PDE8A: variants seen among roughly 807,000 people sequenced by gnomAD.
PDE8A encodes phosphodiesterase 8A, also known as high affinity cAMP-specific and IBMX-insensitive 3',5'-cyclic phosphodiesterase 8A.
Under a neutral mutation model 105.0 loss-of-function variants are expected in PDE8A, and 59 were observed. The ratio of observed to expected loss-of-function variants is 0.56; its 90% CI spans 0.46 to 0.70. The LOEUF (loss-of-function observed/expected upper bound fraction) is 0.70. PDE8A is among the 30% of genes least tolerant of loss of function. PDE8A has a pLI of 0.00. For missense variants in PDE8A, 1,014 were observed against 1,045.9 expected, an observed-to-expected ratio of 0.97 and a Z score of 0.42; for synonymous variants, 355 against 371.9, an observed-to-expected ratio of 0.95 and a Z score of 0.52.
At chr15:85,006,640 C>T (rs1346702425) in intron 1 of PDE8A, among the ~76,000 whole-genome samples, 10 of 150,950 alleles carry the variant, frequency 6.6e-5, no homozygotes, top group Non-Finnish European at 1.5e-4. Context: ...AGTTTTTCTT[C>T]TTGTGTAGAT....
chr15:85,064,431 T>A lies in PDE8A; in HGVS notation c.243+5T>A, dbSNP rs774152275. On this transcript the variant is annotated splice_donor_5th_base_variant and intron_variant, in intron 2 of 21. Coordinates refer to ENST00000394553, the MANE Select transcript of PDE8A (RefSeq NM_002605.3). ...TTTCATCAAGATCAACTTCAGGTAATAATGAACGATGCTGTATTTTTCACA... is the reference window on the plus strand; with the variant it reads ...TTTCATCAAGATCAACTTCAGGTAAAAATGAACGATGCTGTATTTTTCACA... 5 of 1,590,378 alleles carry A rather than the reference T, an allele frequency of 3.1e-6. No homozygotes were observed. In the South Asian group the frequency reaches 5.5e-5, roughly 18 times the overall value.
At chr15:85,113,839 T>A (rs1217078300) in intron 13 of PDE8A, 34 bp from the exon 14 acceptor site, 6 of 1,559,284 alleles carry the variant, frequency 3.8e-6, no homozygotes, top group Middle Eastern at 1.7e-4. Context: ...TTTTTAAGGT[T>A]ATGAAACTCA....
chr15:85,050,634 G>T (rs1212131991), intron 1 of PDE8A, among the ~76,000 whole-genome samples: 1 of 152,090 alleles, frequency 6.6e-6, no homozygotes, highest in Non-Finnish European at 1.5e-5. Context: ...ATACACAAGG[G>T]TTTATTTCTG....
At chr15:85,116,203 C>G in intron 16 of PDE8A, 84 bp downstream of exon 16, 1 of 1,419,012 alleles carries the variant, frequency 7.0e-7, no homozygotes, top group Non-Finnish European at 9.8e-7. Context: ...ATGGATTGTG[C>G]ACAAGCCTGG....
chr15:85,022,191 G>T (rs2080437691), intron 1 of PDE8A, among the ~76,000 whole-genome samples: 1 of 152,164 alleles, frequency 6.6e-6, no homozygotes, highest in South Asian at 2.1e-4. Flanking sequence ...GCCATTTGGG[G>T]TTTGTCTTAG....
chr15:85,123,007 T>C, intron 18 of PDE8A, 54 bp from the exon 19 acceptor site: 2 of 1,587,650 alleles, frequency 1.3e-6, no homozygotes, highest in South Asian at 2.2e-5. Flanking sequence ...CAGGAGTACC[T>C]GTCTGGTCTG....
intron 7 of PDE8A, among the ~76,000 whole-genome samples, chr15:85,090,271 T>C (rs2081619826): frequency 6.6e-6 from 1 of 152,158 alleles, no homozygotes; most frequent in African/African-American, 2.4e-5. Context: ...GGAAATAATA[T>C]TAGTAAGAAC....
chr15:84,997,024 T>C (rs937939482), intron 1 of PDE8A, among the ~76,000 whole-genome samples: 1 of 152,072 alleles, frequency 6.6e-6, no homozygotes, highest in African/African-American at 2.4e-5. Flanking sequence ...GTTTTAAAAA[T>C]TTTTATTTCT....
intron 1 of PDE8A, among the ~76,000 whole-genome samples, chr15:85,031,780 G>C (rs1005433391): frequency 6.6e-6 from 1 of 152,084 alleles, no homozygotes; most frequent in Admixed American, 6.6e-5. Context: ...TGGTGGTGAC[G>C]GCCTGATTAC....
intron 1 of PDE8A, among the ~76,000 whole-genome samples, chr15:84,999,527 A>G (rs1417265332): frequency 6.6e-6 from 1 of 151,990 alleles, no homozygotes; most frequent in Non-Finnish European, 1.5e-5. Flanking sequence ...TAATGTGATG[A>G]TGAATAAGAC....
At chr15:85,054,521 G>A (rs568346762) in intron 1 of PDE8A, among the ~76,000 whole-genome samples, 2 of 152,134 alleles carry the variant, frequency 1.3e-5, no homozygotes, top group Non-Finnish European at 2.9e-5. Context: ...CAGGGATTCA[G>A]CTTCTTCCTG....
At chr15:85,013,040 CT>C (rs2080266963) in intron 1 of PDE8A, among the ~76,000 whole-genome samples, 1 of 152,310 alleles carries the variant, frequency 6.6e-6, no homozygotes, top group East Asian at 1.9e-4. Context: ...TTAAATGGAG[CT>C]TTGTACTCTT....
intron 21 of PDE8A, 128 bp downstream of exon 21, chr15:85,136,791 AACC>A (rs1456871933): frequency 2.2e-6 from 2 of 894,980 alleles, no homozygotes; most frequent in African/African-American, 3.4e-5. Flanking sequence ...GAGCGAAGTG[AACC>A]ATCACCGAGG....
chr15:85,038,982 G>A lies in PDE8A; in HGVS notation c.187-25388G>A, dbSNP rs753327923. ...ACTAAAGATACAAAATTAGCCAGGC[G>A]TGGTGGTTCATGCCTGTAATCCTAG... is the stretch of plus-strand genomic sequence containing the variant. On this transcript the variant is annotated intron_variant, in intron 1 of 21. Transcript: ENST00000394553. 7.2e-5 allele frequency among the ~76,000 whole-genome samples: 11 copies of A among 152,202 alleles called. No homozygotes were observed. In the East Asian group the frequency reaches 1.9e-3, roughly 27 times the overall value.
chr15:84,993,172 G>A (rs536787801), intron 1 of PDE8A, among the ~76,000 whole-genome samples: 7 of 152,016 alleles, frequency 4.6e-5, no homozygotes, highest in South Asian at 2.1e-4. Context: ...GGCTGGGCGT[G>A]GTGGCTCATG....
At chr15:85,090,702 A>G (rs1013093729) in intron 7 of PDE8A, 2 of 214,520 alleles carry the variant, frequency 9.3e-6, no homozygotes, top group African/African-American at 3.8e-5. Flanking sequence ...CCCCACCCCC[A>G]CCCCCATCTA....
chr15:85,077,544 G>A (rs2081396803), intron 5 of PDE8A, among the ~76,000 whole-genome samples: 1 of 152,192 alleles, frequency 6.6e-6, no homozygotes, highest in Admixed American at 6.5e-5. Flanking sequence ...GAGGAAGACA[G>A]CTTCATCTTT....
chr15:85,009,285 A>G (rs532790261), intron 1 of PDE8A, among the ~76,000 whole-genome samples: 1 of 152,326 alleles, frequency 6.6e-6, no homozygotes, highest in South Asian at 2.1e-4. Flanking sequence ...AATGTAAGAG[A>G]TGTAAAAACT....
intron 1 of PDE8A, among the ~76,000 whole-genome samples, chr15:85,031,999 T>A (rs1186840895): frequency 6.6e-6 from 1 of 152,224 alleles, no homozygotes; most frequent in Non-Finnish European, 1.5e-5. Context: ...TGCTTTGTCA[T>A]GTAGAGGTTC....
Sources: gnomAD v4.1 joint callset for allele counts (sites outside exome capture counted in the v4.1 genomes callset) on GRCh38, gnomAD v4.1.1 for gene constraint, MANE v1.5 for transcripts, NCBI Gene and HGNC (gene_info 2026-07-23, HGNC 2026-07-21) for gene names.